Variants in MCTP1 observed in about 807,000 individuals in gnomAD.
MCTP1 encodes multiple C2 and transmembrane domain-containing protein 1.
MCTP1 carries 69 observed loss-of-function variants against 120.6 expected under a neutral mutation model. The ratio of observed to expected loss-of-function variants is 0.57; its 90% CI spans 0.47 to 0.70. The LOEUF (loss-of-function observed/expected upper bound fraction) is 0.70. MCTP1 is among the 30% of genes least tolerant of loss of function. The probability of loss-of-function intolerance (pLI) is 0.00; values close to 1 mark genes in which losing one functional copy is unlikely to be tolerated. For synonymous variants in MCTP1, 529 were observed against 493.1 expected (o/e 1.07, Z -0.96); for missense variants, 1,203 against 1,248.8 (o/e 0.96, Z 0.55).
At chr5:95,149,791 T>C (rs1304540872) in intron 1 of MCTP1, among the ~76,000 whole-genome samples, 1 of 152,168 alleles carries the variant, frequency 6.6e-6, no homozygotes, top group African/African-American at 2.4e-5. Context: ...CCAGAGGTTC[T>C]CTCTATCAGT....
At chr5:95,191,207 G>A (rs1749792066) in intron 1 of MCTP1, among the ~76,000 whole-genome samples, 1 of 151,936 alleles carries the variant, frequency 6.6e-6, no homozygotes, top group Non-Finnish European at 1.5e-5. Flanking sequence ...TCAAGTATCT[G>A]TACAAAGGGC....
chr5:94,887,978 C>T (rs1434964689), intron 12 of MCTP1, among the ~76,000 whole-genome samples: 1 of 152,130 alleles, frequency 6.6e-6, no homozygotes, highest in Non-Finnish European at 1.5e-5. Context: ...AAGTTTGTTA[C>T]CTCATTAGGA....
chr5:94,827,617 T>A (rs186327191), intron 17 of MCTP1, among the ~76,000 whole-genome samples: 4 of 152,306 alleles, frequency 2.6e-5, no homozygotes, highest in African/African-American at 9.6e-5. Context: ...AAATGTAGGT[T>A]TGGTCTTTTC....
chr5:95,226,590 C>T (rs1754300991), intron 1 of MCTP1, among the ~76,000 whole-genome samples: 2 of 151,836 alleles, frequency 1.3e-5, no homozygotes, highest in Admixed American at 6.6e-5. Flanking sequence ...TCTCAGAACA[C>T]CTTTTTTTTT....
chr5:95,191,672 C>A (rs1749840557), intron 1 of MCTP1, among the ~76,000 whole-genome samples: 1 of 151,974 alleles, frequency 6.6e-6, no homozygotes, highest in Non-Finnish European at 1.5e-5. Context: ...AATATTTCCT[C>A]TACTATTCTT....
intron 1 of MCTP1, among the ~76,000 whole-genome samples, chr5:95,027,655 G>C (rs184617275): frequency 1.3e-5 from 2 of 152,278 alleles, no homozygotes; most frequent in East Asian, 3.9e-4. Context: ...TATTGGACAG[G>C]AGAGTGAAGA....
chr5:95,246,357 G>A (rs921878164), intron 1 of MCTP1, among the ~76,000 whole-genome samples: 10 of 152,062 alleles, frequency 6.6e-5, no homozygotes, highest in Admixed American at 5.2e-4. Flanking sequence ...TGGACGAAAT[G>A]CCCCAATTAA....
At chr5:95,059,394 T>C (rs1178784813) in intron 1 of MCTP1, among the ~76,000 whole-genome samples, 1 of 152,044 alleles carries the variant, frequency 6.6e-6, no homozygotes, top group Non-Finnish European at 1.5e-5. Context: ...GTAGCAGCAA[T>C]AGAAACGGGA....
rs527867110 is a variant in MCTP1 at position 94,922,316 on chromosome 5, T to C, written c.1272+1646A>G. On this transcript the variant is annotated intron_variant, in intron 7 of 22. Coordinates refer to ENST00000515393, the MANE Select transcript of MCTP1 (RefSeq NM_024717.7). ...GAAAACTTGGAAGTAGCAAAGAAGA[T>C]CTTGAGAGAGCCACTTGAAAGGGAA... Among the ~76,000 whole-genome samples the C allele has an allele frequency of 3.3e-5, 5 of 152,222 alleles. No individual in the cohort carries two copies. The East Asian group carries it at 7.7e-4, about 24-fold the overall frequency.
rs115977566 is a variant in MCTP1, at chr5:94,905,509, A to G, written c.1652+3742T>C. On this transcript the variant is annotated intron_variant, in intron 10 of 22. Transcript: ENST00000515393. ...CATATGAAAGCTGATGGTGGCTTTG[A>G]CCACAATGATAATGATAGAGATGAT... is the stretch of plus-strand genomic sequence containing the variant. Among the ~76,000 whole-genome samples, 1,380 of 152,284 alleles carry G rather than the reference A, an allele frequency of 9.1e-3. 17 individuals carry two copies. Among genetic ancestry groups the G allele is most frequent in the African/African-American group, 0.03 (1,247 of 41,552 alleles).
chr5:94,851,910 T>C (rs1036778888), intron 17 of MCTP1, among the ~76,000 whole-genome samples: 1 of 152,034 alleles, frequency 6.6e-6, no homozygotes, highest in East Asian at 1.9e-4. Flanking sequence ...TTCCCTACTA[T>C]TGCAGTCTCA....
At chr5:94,862,448 C>A (rs899536038) in intron 17 of MCTP1, among the ~76,000 whole-genome samples, 1 of 151,766 alleles carries the variant, frequency 6.6e-6, no homozygotes, top group African/African-American at 2.4e-5. Context: ...TGATTTGAGC[C>A]AAGTGTTGCA....
intron 1 of MCTP1, among the ~76,000 whole-genome samples, chr5:95,155,625 A>T (rs1745032104): frequency 6.6e-6 from 1 of 152,144 alleles, no homozygotes; most frequent in Non-Finnish European, 1.5e-5. Flanking sequence ...TTAGGATTTT[A>T]ATTATATTCC....
intron 2 of MCTP1, among the ~76,000 whole-genome samples, chr5:94,997,380 C>T (rs1410173401): frequency 6.6e-6 from 1 of 152,068 alleles, no homozygotes; most frequent in Admixed American, 6.6e-5. Flanking sequence ...AAAGCTTAAC[C>T]ATGGAAAAAG....
At chr5:94,720,493 T>G (rs560695827) in intron 19 of MCTP1, among the ~76,000 whole-genome samples, 1 of 152,238 alleles carries the variant, frequency 6.6e-6, no homozygotes, top group African/African-American at 2.4e-5. Flanking sequence ...AATTGATAGA[T>G]TATGAAATCA....
chr5:94,783,222 A>C (rs183674100), intron 18 of MCTP1, among the ~76,000 whole-genome samples: 58 of 152,272 alleles, frequency 3.8e-4, no homozygotes, highest in African/African-American at 1.2e-3. Flanking sequence ...TTGCAGCCAG[A>C]GAGTAAGTAG....
intron 12 of MCTP1, among the ~76,000 whole-genome samples, chr5:94,874,021 T>C (rs991498596): frequency 2.0e-5 from 3 of 152,058 alleles, no homozygotes; most frequent in Non-Finnish European, 4.4e-5. Flanking sequence ...TTATGCCCTG[T>C]ATTATAAGAA....
chr5:95,018,188 G>A (rs1456148022), intron 1 of MCTP1, among the ~76,000 whole-genome samples: 2 of 152,138 alleles, frequency 1.3e-5, no homozygotes, highest in African/African-American at 4.8e-5. Flanking sequence ...CGAATTACAA[G>A]AGGAATAATG....
At chr5:94,818,493 T>C (rs1221909154) in intron 17 of MCTP1, among the ~76,000 whole-genome samples, 1 of 152,248 alleles carries the variant, frequency 6.6e-6, no homozygotes, top group African/African-American at 2.4e-5. Flanking sequence ...ATTCTCACTC[T>C]TCTCGAACAC....
Sources: gnomAD v4.1 joint callset for allele counts (sites outside exome capture counted in the v4.1 genomes callset) on GRCh38, gnomAD v4.1.1 for gene constraint, MANE v1.5 for transcripts, NCBI Gene and HGNC (gene_info 2026-07-23, HGNC 2026-07-21) for gene names.